The following HSD11B1 variants were observed in gnomAD, a reference collection of about 807,000 sequenced individuals.
The protein encoded by HSD11B1 is 11-beta-hydroxysteroid dehydrogenase 1.
Under a neutral mutation model 22.1 loss-of-function variants are expected in HSD11B1, and 15 were observed. The ratio of observed to expected loss-of-function variants is 0.68; its 90% CI spans 0.45 to 1.04. The LOEUF (loss-of-function observed/expected upper bound fraction) is 1.04, where lower values mean the gene tolerates loss of function less well. Ranked by LOEUF, HSD11B1 falls within the 50% of genes least tolerant of loss-of-function variation. The probability of loss-of-function intolerance (pLI) is 0.00; values close to 1 mark genes in which losing one functional copy is unlikely to be tolerated. For synonymous variants in HSD11B1, 122 were observed against 125.2 expected (o/e 0.97, Z 0.17); for missense variants, 281 against 357.6 (o/e 0.79, Z 1.73).
chr1:209,714,604 G>A (rs1292831880), intron 4 of HSD11B1, among the ~76,000 whole-genome samples: 2 of 152,126 alleles, frequency 1.3e-5, no homozygotes, highest in Admixed American at 1.3e-4. Context: ...AGGCCTTCGT[G>A]TCAGGGCTTC....
At chr1:209,699,266 T>C (rs888009759) in intron 1 of HSD11B1, among the ~76,000 whole-genome samples, 5 of 152,090 alleles carry the variant, frequency 3.3e-5, no homozygotes, top group Admixed American at 2.6e-4. Flanking sequence ...TTATGCGTTA[T>C]TGTATTAGTT....
chr1:209,708,439 G>T (rs567332301), intron 4 of HSD11B1, among the ~76,000 whole-genome samples: 1 of 152,218 alleles, frequency 6.6e-6, no homozygotes. Context: ...TAAAGGGGCA[G>T]TGTGTCTGTG....
At chr1:209,698,877 C>G (rs781778974) in intron 1 of HSD11B1, among the ~76,000 whole-genome samples, 1 of 152,174 alleles carries the variant, frequency 6.6e-6, no homozygotes, top group African/African-American at 2.4e-5. Context: ...CTCTCCCAGG[C>G]AAATAGATTC....
intron 1 of HSD11B1, among the ~76,000 whole-genome samples, chr1:209,699,437 G>A (rs539792935): frequency 6.6e-6 from 1 of 152,242 alleles, no homozygotes; most frequent in African/African-American, 2.4e-5. Flanking sequence ...AGAAGCAAAA[G>A]CAGAAACCCC....
chr1:209,687,340 A>T (rs1300878139), intron 1 of HSD11B1, among the ~76,000 whole-genome samples: 1 of 152,204 alleles, frequency 6.6e-6, no homozygotes, highest in Admixed American at 6.5e-5. Flanking sequence ...CGGAAGCTGA[A>T]AGGAGGGTGG....
At chr1:209,694,917 G>A (rs556692732) in intron 1 of HSD11B1, among the ~76,000 whole-genome samples, 34 of 152,224 alleles carry the variant, frequency 2.2e-4, no homozygotes, top group Admixed American at 7.9e-4. Context: ...CCTGAGTTAG[G>A]ATATGGCCTG....
intron 1 of HSD11B1, among the ~76,000 whole-genome samples, chr1:209,692,661 G>T (rs2076768660): frequency 7.3e-6 from 1 of 136,534 alleles, no homozygotes; most frequent in South Asian, 2.3e-4. Flanking sequence ...AGGATTCTTT[G>T]TAAAACTGGA....
intron 1 of HSD11B1, among the ~76,000 whole-genome samples, chr1:209,695,909 T>C (rs530339226): frequency 6.6e-6 from 1 of 152,180 alleles, no homozygotes; most frequent in African/African-American, 2.4e-5. Flanking sequence ...ACACAAAAAT[T>C]TTCATACCAA....
At chr1:209,716,944 C>T (rs2076934087) in intron 4 of HSD11B1, among the ~76,000 whole-genome samples, 2 of 152,194 alleles carry the variant, frequency 1.3e-5, no homozygotes, top group Middle Eastern at 6.8e-3. Context: ...AGACCTGAAA[C>T]TATGAAACCA....
chr1:209,733,964 T>C (rs946212201), intron 5 of HSD11B1, among the ~76,000 whole-genome samples: 4 of 152,206 alleles, frequency 2.6e-5, no homozygotes, highest in African/African-American at 7.2e-5. Context: ...TGAGTCATTA[T>C]GAGACTTCTA....
chr1:209,723,910 G>A (rs1558197795), intron 4 of HSD11B1: 1 of 152,276 alleles, frequency 6.6e-6, no homozygotes, highest in Admixed American at 6.5e-5. Context: ...TGCTTTTGTG[G>A]ATTCTTTGGA....
chr1:209,705,134 G>A (rs750503215), intron 1 of HSD11B1, 104 bp downstream of exon 1: 24 of 888,898 alleles, frequency 2.7e-5, no homozygotes, highest in South Asian at 5.3e-5. Context: ...CAAAGTTGGT[G>A]AAAATGAGGG....
At chr1:209,711,146 G>A (rs537129236) in intron 4 of HSD11B1, among the ~76,000 whole-genome samples, 1 of 152,152 alleles carries the variant, frequency 6.6e-6, no homozygotes, top group African/African-American at 2.4e-5. Flanking sequence ...ATTATGAAGT[G>A]GGGGGAGAAA....
chr1:209,703,764 T>A (rs2076838751), upstream of HSD11B1, among the ~76,000 whole-genome samples: 1 of 152,188 alleles, frequency 6.6e-6, no homozygotes. Flanking sequence ...CACATTTAAA[T>A]TTTTTCCCCG....
intron 1 of HSD11B1, among the ~76,000 whole-genome samples, chr1:209,692,561 A>G (rs186333114): frequency 9.4e-4 from 132 of 140,840 alleles, no homozygotes; most frequent in Non-Finnish European, 1.4e-3. Context: ...GGATGATGGC[A>G]AATGAAAAAA....
intron 4 of HSD11B1, among the ~76,000 whole-genome samples, chr1:209,720,370 C>T (rs1166125568): frequency 6.6e-6 from 1 of 152,082 alleles, no homozygotes; most frequent in African/African-American, 2.4e-5. Context: ...TAAATCCAAA[C>T]TGAGGGACAT....
chr1:209,693,020 C>T (rs1341567559), intron 1 of HSD11B1, among the ~76,000 whole-genome samples: 1 of 152,198 alleles, frequency 6.6e-6, no homozygotes. Flanking sequence ...ACCCATAAAT[C>T]CCTCTGGACT....
chr1:209,722,432 G>C (rs1344551748), intron 4 of HSD11B1, among the ~76,000 whole-genome samples: 2 of 152,110 alleles, frequency 1.3e-5, no homozygotes, highest in African/African-American at 4.8e-5. Flanking sequence ...TTGGTTTCCT[G>C]AGGATTTTTC....
At chr1:209,709,975 A>ACACACAC (rs1558192088) in intron 4 of HSD11B1, among the ~76,000 whole-genome samples, 1 of 136,138 alleles carries the variant, frequency 7.3e-6, no homozygotes, top group East Asian at 2.5e-4. Context: ...CACACACACA[A>ACACACAC]AAGACTCATT....
Sources: gnomAD v4.1 joint callset for allele counts (sites outside exome capture counted in the v4.1 genomes callset) on GRCh38, gnomAD v4.1.1 for gene constraint, MANE v1.5 for transcripts, NCBI Gene and HGNC (gene_info 2026-07-23, HGNC 2026-07-21) for gene names.